ARID4A: variants seen among roughly 807,000 people sequenced by gnomAD.
ARID4A encodes the protein AT-rich interactive domain-containing protein 4A.
ARID4A carries 39 observed loss-of-function variants against 148.6 expected under a neutral mutation model. That is an observed-to-expected ratio of 0.26 (90% CI 0.20 to 0.34). The LOEUF (loss-of-function observed/expected upper bound fraction) is 0.34. Among genes scored for constraint, ARID4A ranks in the 10% least tolerant of loss-of-function variants. ARID4A has a pLI of 1.00. For missense variants in ARID4A, 1,265 were observed against 1,449.1 expected (o/e 0.87, Z 2.06); for synonymous variants, 475 against 481.2 (o/e 0.99, Z 0.17).
At chr14:58,334,252 G>A (rs1363947917) in intron 11 of ARID4A, among the ~76,000 whole-genome samples, 1 of 151,964 alleles carries the variant, frequency 6.6e-6, no homozygotes, top group African/African-American at 2.4e-5. Context: ...TAAAAATCTT[G>A]GATTTGATAG....
chr14:58,362,317 A>G (rs1430735038), intron 19 of ARID4A, among the ~76,000 whole-genome samples: 3 of 152,080 alleles, frequency 2.0e-5, no homozygotes, highest in Admixed American at 6.5e-5. Context: ...GGCTGAGTGC[A>G]GTGGTTCATG....
intron 11 of ARID4A, among the ~76,000 whole-genome samples, chr14:58,342,448 T>G (rs944259381): frequency 6.6e-6 from 1 of 152,240 alleles, no homozygotes; most frequent in African/African-American, 2.4e-5. Flanking sequence ...TATAAAAATA[T>G]ATTCTTAACA....
intron 2 of ARID4A, 133 bp downstream of exon 2, chr14:58,299,993 G>A (rs1479132874): frequency 3.8e-6 from 5 of 1,298,948 alleles, no homozygotes; most frequent in East Asian, 2.3e-5. Flanking sequence ...GGCATAGGAG[G>A]ATGTGTTGAA....
At chr14:58,304,504 G>A (rs1320002809) in intron 3 of ARID4A, among the ~76,000 whole-genome samples, 2 of 152,122 alleles carry the variant, frequency 1.3e-5, no homozygotes, top group Admixed American at 1.3e-4. Context: ...TACGATTATT[G>A]CTTAGCTTCA....
chr14:58,360,248 C>T (rs1172833434), intron 18 of ARID4A, among the ~76,000 whole-genome samples: 4 of 152,074 alleles, frequency 2.6e-5, no homozygotes, highest in African/African-American at 9.7e-5. Context: ...TAAAGTAGGA[C>T]GAACCGTGAC....
chr14:58,322,980 A>AAATATATATATATAT (rs1255021613), intron 7 of ARID4A, among the ~76,000 whole-genome samples: 1 of 114,314 alleles, frequency 8.7e-6, no homozygotes, highest in African/African-American at 3.5e-5. Context: ...AAAAAAAAAA[A>AAATATATATATATAT]ATATATATAT....
At chr14:58,336,177 AT>A (rs745647200) in intron 11 of ARID4A, among the ~76,000 whole-genome samples, 9 of 152,236 alleles carry the variant, frequency 5.9e-5, no homozygotes, top group Non-Finnish European at 1.2e-4. Context: ...AATGTACATT[AT>A]TTAATGTAAT....
chr14:58,333,313 T>C (rs532806455), intron 11 of ARID4A, among the ~76,000 whole-genome samples: 2 of 152,210 alleles, frequency 1.3e-5, no homozygotes, highest in South Asian at 2.1e-4. Flanking sequence ...TTGAAATTGA[T>C]CAAAAAGTCC....
intron 5 of ARID4A, among the ~76,000 whole-genome samples, chr14:58,308,291 G>C (rs1335323421): frequency 3.3e-5 from 5 of 152,192 alleles, no homozygotes; most frequent in Non-Finnish European, 5.9e-5. Flanking sequence ...GTGGACATAA[G>C]AATCACTTGG....
chr14:58,357,614 G>GTTTTT (rs11424644), intron 17 of ARID4A, among the ~76,000 whole-genome samples: 2 of 134,204 alleles, frequency 1.5e-5, no homozygotes, highest in South Asian at 2.3e-4. Context: ...TTTTTGCATG[G>GTTTTT]TTTTTTTTTT....
chr14:58,318,011 C>G (rs1018942056), intron 5 of ARID4A, among the ~76,000 whole-genome samples: 1 of 151,806 alleles, frequency 6.6e-6, no homozygotes, highest in East Asian at 1.9e-4. Context: ...TACTTACATC[C>G]TTTTCTAACA....
At chr14:58,351,016 C>T in intron 15 of ARID4A, 57 bp from the exon 16 acceptor site, 3 of 1,493,606 alleles carry the variant, frequency 2.0e-6, no homozygotes, top group Non-Finnish European at 2.7e-6. Flanking sequence ...ATATTTTTTC[C>T]TGCTTTTTTC....
chr14:58,355,634 C>T (rs552593690), intron 17 of ARID4A, among the ~76,000 whole-genome samples: 1 of 152,282 alleles, frequency 6.6e-6, no homozygotes, highest in African/African-American at 2.4e-5. Flanking sequence ...TAGAACCATG[C>T]CTGGCACTTA....
intron 8 of ARID4A, among the ~76,000 whole-genome samples, chr14:58,324,539 C>T (rs921898229): frequency 2.6e-5 from 4 of 152,148 alleles, no homozygotes; most frequent in Non-Finnish European, 5.9e-5. Context: ...CTTTGGCCTC[C>T]CAAGGGGCCG....
intron 23 of ARID4A, among the ~76,000 whole-genome samples, chr14:58,371,179 G>T (rs2035595546): frequency 6.6e-6 from 1 of 152,130 alleles, no homozygotes; most frequent in Non-Finnish European, 1.5e-5. Context: ...TACTTGGAAG[G>T]CTGAGGCAGG....
rs537587015 is a variant in ARID4A, at chr14:58,361,063, A to G, written c.2080+21A>G. ...ATCAGGTACCAGAAGTGCTCGCAGC[A>G]ATATACCAGACAGCTCACCTCTGTC... On this transcript the variant is annotated intron_variant, in intron 19 of 23. Transcript: ENST00000355431. 5.9e-4 allele frequency: 957 copies of G among 1,610,866 alleles called. 13 individuals are homozygous for G. The South Asian group carries it at 0.01, about 17-fold the overall frequency.
intron 5 of ARID4A, 96 bp downstream of exon 5, chr14:58,306,208 T>C (rs1316341400): frequency 1.6e-5 from 14 of 894,784 alleles, no homozygotes; most frequent in Non-Finnish European, 2.0e-5. Flanking sequence ...TGGAGAAATA[T>C]ATATTATTTC....
rs1468132481 is a variant in ARID4A at position 58,306,005 on chromosome 14, G to C, written c.184-17G>C. On this transcript the variant is annotated splice_polypyrimidine_tract_variant and intron_variant, in intron 4 of 23. Transcript: ENST00000355431. ...TTTGTTTAAATTTGGTAAGGAAATT[G>C]GGATTTCACATTTTAGGTTGGAGCT... 1.9e-6 allele frequency: 3 copies of C among 1,598,608 alleles called. No homozygotes were observed. The highest frequency in any genetic ancestry group is 2.6e-6 in the Non-Finnish European group (3 of 1,166,532).
chr14:58,364,237 T>C lies in ARID4A; in HGVS notation c.2148T>C (p.Ser716=). The change falls in exon 20 of 24, where the codon TCT becomes TCC. Residue 716 remains serine (S), a synonymous_variant. Transcript: ENST00000355431. ...LEKNLINEEL[S]LKDELEKNEN... is the part of the protein sequence containing the mutation. ...AGAATTTAATAAATGAAGAACTTTC[T>C]CTTAAAGATGAACTAGAAAAAAATG... 6.6e-7 allele frequency: 1 copy of C among 1,518,838 alleles called. No homozygotes were observed. The highest frequency in any genetic ancestry group is 8.8e-7 in the Non-Finnish European group (1 of 1,139,198). The allele number at this position is 1,518,838 out of a possible 1,614,324, so 94.1% of individuals were successfully genotyped here. A position where few individuals can be genotyped will look rare whatever the true frequency, so the allele number is the denominator to read the frequency against.
Sources: allele counts gnomAD v4.1 joint callset (sites outside exome capture counted in the v4.1 genomes callset), GRCh38; gene constraint gnomAD v4.1.1; transcripts MANE v1.5; gene names NCBI Gene and HGNC (gene_info 2026-07-23, HGNC 2026-07-21).